HDAC7: variants seen among roughly 807,000 people sequenced by gnomAD.
HDAC7 encodes the protein histone deacetylase 7A.
Under a neutral mutation model 115.5 loss-of-function variants are expected in HDAC7, and 26 were observed. The observed-to-expected ratio is 0.23, with a 90% CI of 0.16 to 0.31. HDAC7 has a LOEUF of 0.31. HDAC7 is among the 10% of genes least tolerant of loss of function. The pLI, the probability that HDAC7 is intolerant of heterozygous loss-of-function variation, is 1.00. For synonymous variants in HDAC7, 564 were observed against 550.9 expected (o/e 1.02, Z -0.33); for missense variants, 1,068 against 1,329.0 (o/e 0.80, Z 3.05).
At chr12:47,786,475 C>A in intron 22 of HDAC7, 110 bp downstream of exon 22, 1 of 753,640 alleles carries the variant, frequency 1.3e-6, no homozygotes. Flanking sequence ...AGGCTGAAAG[C>A]CCTGGGCTGG....
chr12:47,810,234 C>A (rs1319225544), intron 1 of HDAC7, among the ~76,000 whole-genome samples: 1 of 152,250 alleles, frequency 6.6e-6, no homozygotes, highest in Non-Finnish European at 1.5e-5. Context: ...GCGTGAACCA[C>A]TGCGCCCGGC....
At position 47,795,233 on chromosome 12, in the gene HDAC7, G is replaced by A; in HGVS notation, c.1235C>T (p.Pro412Leu). The A allele has an allele frequency of 6.2e-7, 1 of 1,612,964 alleles. No individual in the cohort carries two copies. Among genetic ancestry groups the A allele is most frequent in the Non-Finnish European group, 8.5e-7 (1 of 1,179,374 alleles). Reference sequence around the variant, plus strand: ...GAGCTGCTCCAGGCGGGGCTGCATGGGGCCCGGCGGTGGGGGAGCGGTGGC... The same window carrying A: ...GAGCTGCTCCAGGCGGGGCTGCATGAGGCCCGGCGGTGGGGGAGCGGTGGC... ...PSATAPPPPG[P>L]MQPRLEQLKT... The change falls in exon 11 of 26, where the codon CCC becomes CTC. Residue 412 changes from proline (P) to leucine (L), a missense_variant. Transcript: ENST00000080059. The surrounding 1 kb of genome is among the most constrained non-coding windows in gnomAD (Gnocchi z 4.3).
intron 1 of HDAC7, among the ~76,000 whole-genome samples, chr12:47,815,638 G>A (rs1400090271): frequency 6.6e-6 from 1 of 152,166 alleles, no homozygotes; most frequent in Non-Finnish European, 1.5e-5. Flanking sequence ...TTTTGAGACA[G>A]TCTCACTCTA....
At chr12:47,792,787 AAT>A (rs1489885769) in intron 13 of HDAC7, 1 of 422,086 alleles carries the variant, frequency 2.4e-6, no homozygotes, top group African/African-American at 2.0e-5. Context: ...ACATTAATGA[AAT>A]ACTATGAGAC....
intron 1 of HDAC7, among the ~76,000 whole-genome samples, chr12:47,816,496 AACC>A (rs1394236548): frequency 6.6e-6 from 1 of 152,136 alleles, no homozygotes; most frequent in African/African-American, 2.4e-5. Flanking sequence ...AATTGCCCGG[AACC>A]ACCACATCAG....
At position 47,792,295 on chromosome 12, in the gene HDAC7, G is replaced by A. The variant is rs146719059; in HGVS notation, c.1679-291C>T. ...CCACGGCCTTCCCACATGCGGACAC[G>A]ACTGCTGGGTGGCCCAGGACTCGAG... On this transcript the variant is annotated intron_variant, in intron 13 of 25. Coordinates refer to ENST00000080059, the MANE Select transcript of HDAC7 (RefSeq NM_015401.5). 1,085 of 477,092 alleles carry A rather than the reference G, an allele frequency of 2.3e-3. 13 individuals are homozygous for A. The highest frequency in any genetic ancestry group is 0.019 in the African/African-American group (975 of 51,394). 29.6% of individuals were successfully genotyped at this position (477,092 alleles called of 1,614,324 possible). A position where few individuals can be genotyped will look rare whatever the true frequency, so the allele number is the denominator to read the frequency against.
chr12:47,791,479 T>C, intron 15 of HDAC7, 107 bp downstream of exon 15: 2 of 1,464,370 alleles, frequency 1.4e-6, no homozygotes, highest in East Asian at 2.5e-5. Context: ...AGTAGGGACG[T>C]CCAGGGTGCA....
In HDAC7 at chr12:47,793,973, A is replaced by C. The variant is rs578139633; in HGVS notation, c.1459-385T>G. On this transcript the variant is annotated intron_variant, in intron 12 of 25. Transcript: ENST00000080059. This position sits in a 1 kb window ranked among gnomAD's most constrained non-coding sequence, Gnocchi z 4.5. The stretch of plus-strand genomic sequence containing the variant: ...GAGTAAATTATGTTCCCCACCCTCA[A>C]ATTTATATGTTGAAGTCCCAACCCC... Among the ~76,000 whole-genome samples, 1 of 152,120 alleles carries C rather than the reference A, an allele frequency of 6.6e-6. No homozygotes were observed. Among genetic ancestry groups the C allele is most frequent in the African/African-American group, 2.4e-5 (1 of 41,402 alleles).
At chr12:47,809,049 C>T (rs541549201) in intron 1 of HDAC7, among the ~76,000 whole-genome samples, 109 of 152,344 alleles carry the variant, frequency 7.2e-4, no homozygotes, top group Middle Eastern at 3.4e-3. Flanking sequence ...GCCTTCATCT[C>T]TCCCCTTCGC....
intron 21 of HDAC7, 44 bp downstream of exon 21, chr12:47,787,668 C>T (rs764638539): frequency 1.4e-6 from 2 of 1,398,684 alleles, no homozygotes; most frequent in Admixed American, 1.9e-5. Context: ...GGAGAAGGGA[C>T]AGGAGAGGGT....
intron 2 of HDAC7, chr12:47,799,247 C>G (rs1944046622): frequency 2.5e-6 from 1 of 397,118 alleles, no homozygotes; most frequent in Non-Finnish European, 4.4e-6. Context: ...CAGTGCTCCT[C>G]CACTAAACAT....
intron 19 of HDAC7, 38 bp from the exon 20 acceptor site, chr12:47,788,202 G>A: frequency 1.3e-6 from 2 of 1,576,652 alleles, no homozygotes. Flanking sequence ...GGAAGGCAGA[G>A]AGATGGGGGC....
rs1047509246 is a variant in HDAC7 at position 47,783,376 on chromosome 12, C to T, written c.*465G>A. On this transcript the variant is annotated 3_prime_UTR_variant, in exon 26 of 26. Coordinates refer to ENST00000080059, the MANE Select transcript of HDAC7 (RefSeq NM_015401.5). Reference sequence around the variant, plus strand: ...CTCAGGAATATGGGACCTCTTGGCTCCCCACTCCCCCCTAGCCCCTAGAGC... The same window carrying T: ...CTCAGGAATATGGGACCTCTTGGCTTCCCACTCCCCCCTAGCCCCTAGAGC... The T allele has an allele frequency of 3.3e-5, 6 of 181,754 alleles. No individual in the cohort carries two copies. Among genetic ancestry groups the T allele is most frequent in the Admixed American group, 5.4e-5 (1 of 18,668 alleles). The allele number at this position is 181,754 out of a possible 1,614,324, so 11.3% of individuals were successfully genotyped here.
rs1943795368 is a variant in HDAC7, at chr12:47,795,817, CAAT to C, written c.907-53_907-51del. 1 of 1,521,190 alleles carries C rather than the reference CAAT, an allele frequency of 6.6e-7. No individual in the cohort carries two copies. The highest frequency in any genetic ancestry group is 1.4e-5 in the African/African-American group (1 of 70,670). 94.2% of individuals were successfully genotyped at this position (1,521,190 alleles called of 1,614,324 possible). A position where few individuals can be genotyped will look rare whatever the true frequency, so the allele number is the denominator to read the frequency against. ...CGGGGAAGAAGATTCCAGCAGAGAACAATGAAGATGATGGGGTGAGGCAGCAAG... is the reference window on the plus strand; with the variant it reads ...CGGGGAAGAAGATTCCAGCAGAGAACGAAGATGATGGGGTGAGGCAGCAAG... On this transcript the variant is annotated intron_variant, in intron 9 of 25. Coordinates refer to ENST00000080059, the MANE Select transcript of HDAC7 (RefSeq NM_015401.5). This position sits in a 1 kb window ranked among gnomAD's most constrained non-coding sequence, Gnocchi z 4.3.
chr12:47,785,501 C>G, intron 23 of HDAC7, 30 bp from the exon 24 acceptor site: 2 of 1,584,950 alleles, frequency 1.3e-6, no homozygotes, highest in Non-Finnish European at 8.6e-7. Context: ...AGCCACCAGT[C>G]TCTCAGGGAC....
At chr12:47,784,397 G>A in intron 24 of HDAC7, 180 bp from the exon 25 acceptor site, 1 of 659,896 alleles carries the variant, frequency 1.5e-6, no homozygotes, top group South Asian at 2.0e-5. Flanking sequence ...CTCCCGCACA[G>A]CCTGACAGGG....
At chr12:47,802,395 G>A in intron 1 of HDAC7, 121 bp from the exon 2 acceptor site, 1 of 1,534,450 alleles carries the variant, frequency 6.5e-7, no homozygotes, top group Non-Finnish European at 8.8e-7. Flanking sequence ...GCCAAAGCCT[G>A]GGACCTCCAC....
intron 1 of HDAC7, among the ~76,000 whole-genome samples, chr12:47,805,736 CAGA>C (rs1324363741): frequency 6.6e-6 from 1 of 152,330 alleles, no homozygotes; most frequent in Non-Finnish European, 1.5e-5. Flanking sequence ...TCTCATTTGA[CAGA>C]GGAGCAAAGA....
chr12:47,782,891 C>T lies in HDAC7; in HGVS notation c.*950G>A, dbSNP rs1033035408. On this transcript the variant is annotated 3_prime_UTR_variant, in exon 26 of 26. Coordinates refer to ENST00000080059, the MANE Select transcript of HDAC7 (RefSeq NM_015401.5). ...CCTCACTCACACACATGCTCACACACATTTTCCTTCTTGACCCCAGGCCTG... is the reference window on the plus strand; with the variant it reads ...CCTCACTCACACACATGCTCACACATATTTTCCTTCTTGACCCCAGGCCTG... The T allele has an allele frequency of 6.5e-6, 1 of 153,248 alleles. No homozygotes were observed. The highest frequency in any genetic ancestry group is 2.4e-5 in the African/African-American group (1 of 41,402). The allele number at this position is 153,248 out of a possible 1,614,324, so 9.5% of individuals were successfully genotyped here.
Sources: gnomAD v4.1 joint callset for allele counts (sites outside exome capture counted in the v4.1 genomes callset) on GRCh38, gnomAD v4.1.1 for gene constraint, Gnocchi (gnomAD v3.1) non-coding constraint, MANE v1.5 for transcripts, NCBI Gene and HGNC (gene_info 2026-07-23, HGNC 2026-07-21) for gene names.